The following SMPD2 variants were observed in gnomAD, a reference collection of about 807,000 sequenced individuals.
SMPD2 encodes sphingomyelin phosphodiesterase 2.
Under a neutral mutation model 41.7 loss-of-function variants are expected in SMPD2, and 35 were observed. That is an observed-to-expected ratio of 0.84 (90% CI 0.64 to 1.11). The LOEUF (loss-of-function observed/expected upper bound fraction) is 1.11, where lower values mean the gene tolerates loss of function less well. Among genes scored for constraint, SMPD2 ranks in the 50% most tolerant of loss-of-function variants. The pLI, the probability that SMPD2 is intolerant of heterozygous loss-of-function variation, is 0.00. For synonymous variants in SMPD2, 201 were observed against 208.2 expected (o/e 0.97, Z 0.30); for missense variants, 520 against 524.8 (o/e 0.99, Z 0.09).
chr6:109,441,501 G>C, intron 2 of SMPD2, 48 bp downstream of exon 2: 1 of 1,612,662 alleles, frequency 6.2e-7, no homozygotes. Flanking sequence ...AGGAGGGACA[G>C]ACCGTCCCAC....
In SMPD2 at chr6:109,443,726, G is replaced by A. The variant is rs1175322591; in HGVS notation, c.1093G>A (p.Val365Met). 19 of 1,614,094 alleles carry A rather than the reference G, an allele frequency of 1.2e-5. No homozygotes were observed. Among genetic ancestry groups the A allele is most frequent in the Non-Finnish European group, 1.5e-5 (18 of 1,179,960 alleles). The change falls in exon 10 of 10, where the codon GTG becomes ATG. Residue 365 changes from valine (V) to methionine (M), a missense_variant. Val to Met is a conservative substitution (Grantham distance 21). Coordinates refer to ENST00000258052, the MANE Select transcript of SMPD2 (RefSeq NM_003080.3). ...ILLWTPSVGL[V>M]LWAGAFYLFH... ...GCTCTGGACCCCCAGTGTAGGGCTG[G>A]TGCTGTGGGCAGGTGCATTCTACCT...
Position 109,442,024 on chromosome 6 carries a change from A to G in SMPD2, c.275A>G (p.Glu92Gly), listed in dbSNP as rs1376544070. The G allele has an allele frequency of 2.5e-6, 4 of 1,613,702 alleles. No homozygotes were observed. In the Admixed American group the frequency reaches 6.7e-5, roughly 27 times the overall value. The change falls in exon 4 of 10, where the codon GAG becomes GGG. Residue 92 changes from glutamate to glycine, a missense_variant. Transcript: ENST00000258052. ...LCVFSKHPIQELTQHIYTLNG... is the reference protein window; with the variant it reads ...LCVFSKHPIQGLTQHIYTLNG... ...GTCTTCTCCAAACATCCAATCCAGG[A>G]GCTTACCCAGCACATCTACACTCTC...
Position 109,441,643 on chromosome 6 carries a change from G to A in SMPD2, c.224+15G>A, listed in dbSNP as rs776098031. On this transcript the variant is annotated intron_variant, in intron 3 of 9. Transcript: ENST00000258052. ...CACTTCCGGAGGTGAGAAGCCCACT[G>A]GCCTGAAGCCTGTTGTCATCCCAGG... The A allele has an allele frequency of 6.2e-6, 10 of 1,613,118 alleles. No individual in the cohort carries two copies. In the South Asian group the frequency reaches 1.1e-4, roughly 18 times the overall value.
rs769748782 is a variant in SMPD2 at position 109,443,268 on chromosome 6, C to T, written c.731C>T (p.Ala244Val). The T allele has an allele frequency of 1.9e-6, 3 of 1,613,930 alleles. No individual in the cohort carries two copies. Among genetic ancestry groups the T allele is most frequent in the Non-Finnish European group, 2.5e-6 (3 of 1,179,958 alleles). Reference protein sequence around the residue: ...GVRIDYVLYKAVSGFYISCKS... With the variant: ...GVRIDYVLYKVVSGFYISCKS... ...CTCTCTGGCCCTTACTTTTCCTAGG[C>T]AGTTTCTGGGTTTTACATCTCCTGT... The change falls in exon 9 of 10, where the codon GCA becomes GTA. Residue 244 changes from alanine (A) to valine (V), a missense_variant and splice_region_variant. Coordinates refer to ENST00000258052, the MANE Select transcript of SMPD2 (RefSeq NM_003080.3).
chr6:109,440,931 A>C lies in SMPD2; in HGVS notation c.-191A>C. Reference sequence around the variant, plus strand: ...GGGTTGGCGGCCCGCCTGATTGGGAACAGCCGGCCGGTTGCCGGGGGAACG... The same window carrying C: ...GGGTTGGCGGCCCGCCTGATTGGGACCAGCCGGCCGGTTGCCGGGGGAACG... On this transcript the variant is annotated 5_prime_UTR_variant, in exon 1 of 10. Coordinates refer to ENST00000258052, the MANE Select transcript of SMPD2 (RefSeq NM_003080.3). 1 of 594,330 alleles carries C rather than the reference A, an allele frequency of 1.7e-6. No individual in the cohort carries two copies. The highest frequency in any genetic ancestry group is 2.9e-6 in the Non-Finnish European group (1 of 348,706). 36.8% of individuals were successfully genotyped at this position (594,330 alleles called of 1,614,324 possible).
In SMPD2 at chr6:109,441,981, A is replaced by G; in HGVS notation, c.232A>G (p.Ile78Val). The G allele has an allele frequency of 1.2e-6, 2 of 1,614,158 alleles. No homozygotes were observed. The highest frequency in any genetic ancestry group is 8.5e-7 in the Non-Finnish European group (1 of 1,179,970). ...PAAHHFRSGIIGSGLCVFSKH... is the reference protein window; with the variant it reads ...PAAHHFRSGIVGSGLCVFSKH... ...GCAGGGCTTGGCTTTCAGCGGAATCATTGGCAGTGGCCTCTGTGTCTTCTC... is the reference window on the plus strand; with the variant it reads ...GCAGGGCTTGGCTTTCAGCGGAATCGTTGGCAGTGGCCTCTGTGTCTTCTC... Residue 78 changes from isoleucine (I) to valine (V), a missense_variant, in exon 4 of 10, where the codon ATT becomes GTT. Transcript: ENST00000258052.
chr6:109,441,216 G>T, intron 1 of SMPD2, 45 bp downstream of exon 1: 1 of 1,609,662 alleles, frequency 6.2e-7, no homozygotes, highest in African/African-American at 1.3e-5. Flanking sequence ...CCTTCCGTTC[G>T]CACCCATGCA....
Position 109,443,006 on chromosome 6 carries a change from C to T in SMPD2, c.654C>T (p.Pro218=). 6.2e-7 allele frequency: 1 copy of T among 1,614,198 alleles called. No homozygotes were observed. Among genetic ancestry groups the T allele is most frequent in the Non-Finnish European group, 8.5e-7 (1 of 1,180,030 alleles). Reference sequence around the variant, plus strand: ...CTGAGGAAGGCAACACAATGGTACCCAAGAACTGCTACGTCAGCCAGCAGG... The same window carrying T: ...CTGAGGAAGGCAACACAATGGTACCTAAGAACTGCTACGTCAGCCAGCAGG... ...KGSEEGNTMV[P]KNCYVSQQEL... Residue 218 remains proline (P), a synonymous_variant, in exon 8 of 10, where the codon CCC becomes CCT. Transcript: ENST00000258052.
In SMPD2 at chr6:109,441,547, C is replaced by A; in HGVS notation, c.148-5C>A. On this transcript the variant is annotated splice_polypyrimidine_tract_variant and splice_region_variant and intron_variant, in intron 2 of 9. Transcript: ENST00000258052. Reference sequence around the variant, plus strand: ...CCAAGCAGGCATCCTCACCGCTTCCCTCAGGTGTGGAGTGAGCAGGACTTC... The same window carrying A: ...CCAAGCAGGCATCCTCACCGCTTCCATCAGGTGTGGAGTGAGCAGGACTTC... The A allele has an allele frequency of 1.2e-6, 2 of 1,614,134 alleles. No individual in the cohort carries two copies. The highest frequency in any genetic ancestry group is 8.5e-7 in the Non-Finnish European group (1 of 1,179,948).
rs1433017305 is a variant in SMPD2 at position 109,443,885 on chromosome 6, G to A, written c.1252G>A (p.Asp418Asn). The change falls in exon 10 of 10, where the codon GAC becomes AAC. Residue 418 changes from aspartate to asparagine, a missense_variant. Coordinates refer to ENST00000258052, the MANE Select transcript of SMPD2 (RefSeq NM_003080.3). The stretch of plus-strand genomic sequence containing the variant: ...CCTACTCCTGGGGCAGCAGGAGGGG[G>A]ACAGAACTAAAGAACAATAAAGCTT... ...PALLLGQQEG[D>N]RTKEQ The A allele has an allele frequency of 6.2e-6, 10 of 1,610,190 alleles. No individual in the cohort carries two copies. The highest frequency in any genetic ancestry group is 3.4e-5 in the Admixed American group (2 of 59,684).
chr6:109,441,210 C>A (rs1376046884), intron 1 of SMPD2, 39 bp downstream of exon 1: 1 of 1,611,304 alleles, frequency 6.2e-7, no homozygotes, highest in African/African-American at 1.3e-5. Flanking sequence ...GGGCCACCTT[C>A]CGTTCGCACC....
Position 109,441,402 on chromosome 6 carries a change from C to T in SMPD2, c.96C>T (p.Arg32=). Residue 32 remains arginine (R), a synonymous_variant, in exon 2 of 10, where the codon CGC becomes CGT. Coordinates refer to ENST00000258052, the MANE Select transcript of SMPD2 (RefSeq NM_003080.3). ...AGCACCGGGCCGACCGCATGAGGCG[C>T]CTGGGAGACTTTCTGAACCAGGAGA... ...LSKHRADRMR[R]LGDFLNQESF... 1 of 1,614,164 alleles carries T rather than the reference C, an allele frequency of 6.2e-7. No individual in the cohort carries two copies. The highest frequency in any genetic ancestry group is 8.5e-7 in the Non-Finnish European group (1 of 1,180,022).
In SMPD2 at chr6:109,443,509, TG is replaced by T. The variant is rs756060091; in HGVS notation, c.884-7del. 2 of 1,608,524 alleles carry T rather than the reference TG, an allele frequency of 1.2e-6. No individual in the cohort carries two copies. The highest frequency in any genetic ancestry group is 2.2e-5 in the South Asian group (2 of 90,606). On this transcript the variant is annotated splice_region_variant and splice_polypyrimidine_tract_variant and intron_variant, in intron 9 of 9. Transcript: ENST00000258052. The stretch of plus-strand genomic sequence containing the variant: ...TCTCTCCTGCCCCACTGCCCTGCTC[TG>T]TTGTAGGACCAGCAGAGAGGTCGCC...
chr6:109,442,566 G>A lies in SMPD2; in HGVS notation c.432G>A (p.Gln144=). The A allele has an allele frequency of 6.2e-7, 1 of 1,613,864 alleles. No homozygotes were observed. The highest frequency in any genetic ancestry group is 1.7e-5 in the Admixed American group (1 of 60,016). Reference sequence around the variant, plus strand: ...AGCTCCATGCCGAATACAATCGACAGAAGGACATCTACCTAGCACATCGTG... The same window carrying A: ...AGCTCCATGCCGAATACAATCGACAAAAGGACATCTACCTAGCACATCGTG... The part of the protein sequence containing the change: ...VTHLHAEYNR[Q]KDIYLAHRVA... The change falls in exon 6 of 10, where the codon CAG becomes CAA. Residue 144 remains glutamine, a synonymous_variant. Coordinates refer to ENST00000258052, the MANE Select transcript of SMPD2 (RefSeq NM_003080.3).
At position 109,441,537 on chromosome 6, in the gene SMPD2, C is replaced by T. The variant is rs1445778029; in HGVS notation, c.148-15C>T. ...TGGGGAAAGACCAAGCAGGCATCCT[C>T]ACCGCTTCCCTCAGGTGTGGAGTGA... On this transcript the variant is annotated splice_polypyrimidine_tract_variant and intron_variant, in intron 2 of 9. Transcript: ENST00000258052. 7 of 1,614,088 alleles carry T rather than the reference C, an allele frequency of 4.3e-6. No individual in the cohort carries two copies. The Admixed American group carries it at 5.0e-5, about 12-fold the overall frequency.
intron 3 of SMPD2, 96 bp downstream of exon 3, chr6:109,441,724 C>T: frequency 8.7e-7 from 1 of 1,143,304 alleles, no homozygotes; most frequent in Non-Finnish European, 1.3e-6. Context: ...CAGTCTCCTC[C>T]AGCCTCCTCT....
rs1178861703 is a variant in SMPD2, at chr6:109,440,812, G to C, written c.-310G>C. 8.1e-6 allele frequency: 3 copies of C among 368,954 alleles called. No individual in the cohort carries two copies. Among genetic ancestry groups the C allele is most frequent in the Non-Finnish European group, 1.4e-5 (3 of 212,948 alleles). The allele number at this position is 368,954 out of a possible 1,614,324, so 22.9% of individuals were successfully genotyped here. ...CTTGGAGGAAAAGGAACCGGGAGCC[G>C]CCCACCCGGGGGCGCTCTCCGGACC... On this transcript the variant is annotated 5_prime_UTR_variant, in exon 1 of 10. Transcript: ENST00000258052.
intron 5 of SMPD2, 111 bp from the exon 6 acceptor site, chr6:109,442,432 G>C: frequency 7.5e-7 from 1 of 1,331,578 alleles, no homozygotes; most frequent in Non-Finnish European, 1.1e-6. Flanking sequence ...AATGGGCAAG[G>C]CTTATCCATT....
chr6:109,442,472 C>T (rs2115316832), intron 5 of SMPD2, 71 bp from the exon 6 acceptor site: 1 of 1,446,698 alleles, frequency 6.9e-7, no homozygotes, highest in Non-Finnish European at 9.6e-7. Flanking sequence ...AAGTGACAGA[C>T]ACAGGCTTGA....
Sources: allele counts gnomAD v4.1 joint callset, GRCh38; gene constraint gnomAD v4.1.1; transcripts MANE v1.5; gene names NCBI Gene and HGNC (gene_info 2026-07-23, HGNC 2026-07-21).